Variants in LRRC69 observed in about 807,000 individuals in gnomAD.
The protein encoded by LRRC69 is leucine-rich repeat-containing protein 69.
LRRC69 carries 42 observed loss-of-function variants against 37.8 expected under a neutral mutation model. The observed-to-expected ratio is 1.11, with a 90% CI of 0.87 to 1.44. LRRC69 has a LOEUF of 1.44. Ranked by LOEUF, LRRC69 falls within the 40% of genes most tolerant of loss-of-function variation. The pLI is 0.00. For missense variants in LRRC69, 357 were observed against 401.9 expected (o/e 0.89, Z 0.96); for synonymous variants, 141 against 143.1 (o/e 0.99, Z 0.11).
intron 5 of LRRC69, among the ~76,000 whole-genome samples, chr8:91,172,379 T>G (rs1809148839): frequency 6.6e-6 from 1 of 152,066 alleles, no homozygotes; most frequent in Non-Finnish European, 1.5e-5. Context: ...ATTTCCAAGT[T>G]TTCTAATTGG....
chr8:91,157,737 C>T, intron 5 of LRRC69: 1 of 1,606,224 alleles, frequency 6.2e-7, no homozygotes, highest in Non-Finnish European at 8.5e-7. Context: ...AGGTGGCAGT[C>T]TGAGGATTCC....
chr8:91,123,023 A>G (rs1381310427), intron 1 of LRRC69, among the ~76,000 whole-genome samples: 1 of 152,116 alleles, frequency 6.6e-6, no homozygotes, highest in Non-Finnish European at 1.5e-5. Context: ...GTGTGATATG[A>G]TTTGAAAAAG....
intron 5 of LRRC69, among the ~76,000 whole-genome samples, chr8:91,184,846 A>G (rs1809378475): frequency 6.6e-6 from 1 of 152,182 alleles, no homozygotes. Context: ...ACAAGAGAGA[A>G]GTGGAGAAAG....
chr8:91,196,424 A>G (rs888252964), intron 6 of LRRC69, among the ~76,000 whole-genome samples: 3 of 151,816 alleles, frequency 2.0e-5, no homozygotes, highest in African/African-American at 7.3e-5. Flanking sequence ...CTCCTGGATA[A>G]TATCCTGCAG....
At chr8:91,166,372 AT>A (rs1261725597) in intron 5 of LRRC69, among the ~76,000 whole-genome samples, 1 of 150,874 alleles carries the variant, frequency 6.6e-6, no homozygotes, top group Non-Finnish European at 1.5e-5. Context: ...AGAAGGTGGT[AT>A]TATTGCTTTC....
intron 3 of LRRC69, among the ~76,000 whole-genome samples, chr8:91,128,428 G>A (rs1263506525): frequency 6.6e-6 from 1 of 151,984 alleles, no homozygotes; most frequent in Non-Finnish European, 1.5e-5. Context: ...AAGTAGGATT[G>A]CAGAGTGTAT....
At chr8:91,116,821 G>A (rs1242041900) in intron 1 of LRRC69, among the ~76,000 whole-genome samples, 7 of 151,892 alleles carry the variant, frequency 4.6e-5, no homozygotes, top group Admixed American at 2.6e-4. Context: ...TTAAGTATTG[G>A]TCAGTATTGT....
chr8:91,109,678 G>A (rs988927092), intron 1 of LRRC69, among the ~76,000 whole-genome samples: 2 of 151,896 alleles, frequency 1.3e-5, no homozygotes, highest in Non-Finnish European at 2.9e-5. Context: ...TTGACATTGA[G>A]CTTAACTTTG....
At chr8:91,145,203 A>G (rs576330515) in intron 5 of LRRC69, among the ~76,000 whole-genome samples, 1 of 151,958 alleles carries the variant, frequency 6.6e-6, no homozygotes, top group South Asian at 2.1e-4. Flanking sequence ...AACTTTTGAA[A>G]CTCTTTTGCA....
At chr8:91,154,004 A>C (rs188399428) in intron 5 of LRRC69, among the ~76,000 whole-genome samples, 2 of 151,994 alleles carry the variant, frequency 1.3e-5, no homozygotes, top group East Asian at 1.9e-4. Flanking sequence ...GAAGAATCAA[A>C]TAGGCTCAAT....
At chr8:91,156,127 T>C (rs993671911) in intron 5 of LRRC69, among the ~76,000 whole-genome samples, 2 of 150,910 alleles carry the variant, frequency 1.3e-5, no homozygotes, top group African/African-American at 4.8e-5. Context: ...AACTTCATAC[T>C]GTTTTTCATA....
chr8:91,116,652 A>G (rs1255236012), intron 1 of LRRC69, among the ~76,000 whole-genome samples: 1 of 151,924 alleles, frequency 6.6e-6, no homozygotes, highest in African/African-American at 2.4e-5. Flanking sequence ...AGGAGTTAGG[A>G]ATATAGGCCG....
At chr8:91,104,686 C>T (rs538784647) in intron 1 of LRRC69, among the ~76,000 whole-genome samples, 5 of 152,016 alleles carry the variant, frequency 3.3e-5, no homozygotes, top group East Asian at 1.9e-4. Flanking sequence ...AGGACATTCC[C>T]TTTGTTGCTC....
At chr8:91,136,124 A>G in intron 5 of LRRC69, among the ~76,000 whole-genome samples, 1 of 152,124 alleles carries the variant, frequency 6.6e-6, no homozygotes, top group East Asian at 1.9e-4. Context: ...TTTTTAGGCC[A>G]TAAACAATGA....
At chr8:91,129,877 C>T (rs999002976) in intron 3 of LRRC69, among the ~76,000 whole-genome samples, 1 of 151,970 alleles carries the variant, frequency 6.6e-6, no homozygotes, top group African/African-American at 2.4e-5. Context: ...CTGTCTTCTC[C>T]ATTCTACCTT....
intron 7 of LRRC69, chr8:91,206,961 A>G: frequency 1.6e-6 from 1 of 644,318 alleles, no homozygotes; most frequent in Non-Finnish European, 2.2e-6. Flanking sequence ...TGCTTTTCCA[A>G]CCTAGTTATT....
chr8:91,157,851 A>G (rs912923223), intron 5 of LRRC69: 24 of 1,605,160 alleles, frequency 1.5e-5, no homozygotes, highest in East Asian at 8.9e-5. Context: ...CATTTACAAG[A>G]GCAGAATGTT....
chr8:91,189,864 T>A (rs1372678899), intron 6 of LRRC69, among the ~76,000 whole-genome samples: 1 of 152,176 alleles, frequency 6.6e-6, no homozygotes, highest in Non-Finnish European at 1.5e-5. Flanking sequence ...GTAGGATGAA[T>A]AAAAGAGAGA....
intron 5 of LRRC69, among the ~76,000 whole-genome samples, chr8:91,144,539 C>G (rs527559646): frequency 6.6e-6 from 1 of 152,100 alleles, no homozygotes; most frequent in African/African-American, 2.4e-5. Context: ...GACCAGATTC[C>G]TCTGGAAATA....
Sources: gnomAD v4.1 joint callset for allele counts (sites outside exome capture counted in the v4.1 genomes callset) on GRCh38, gnomAD v4.1.1 for gene constraint, MANE v1.5 for transcripts, NCBI Gene and HGNC (gene_info 2026-07-23, HGNC 2026-07-21) for gene names.